Variants in ARID3A observed in about 807,000 individuals in gnomAD.
ARID3A encodes the protein AT-rich interaction domain 3A.
A neutral mutation model predicts 52.7 loss-of-function variants in ARID3A; 11 were observed. The ratio of observed to expected loss-of-function variants is 0.21; its 90% confidence interval spans 0.13 to 0.35. ARID3A has a LOEUF of 0.35. Among genes scored for constraint, ARID3A ranks in the 10% least tolerant of loss-of-function variants. The probability of loss-of-function intolerance (pLI) is 1.00; values close to 1 mark genes in which losing one functional copy is unlikely to be tolerated. For synonymous variants in ARID3A, 404 were observed against 359.4 expected (o/e 1.12, Z -1.40); for missense variants, 721 against 838.5 (o/e 0.86, Z 1.73).
intron 3 of ARID3A, among the ~76,000 whole-genome samples, chr19:953,620 T>C (rs2037851864): frequency 6.6e-6 from 1 of 151,488 alleles, no homozygotes; most frequent in Admixed American, 6.6e-5. Context: ...CAAAGAGGAA[T>C]GAAGGGGTCA....
At chr19:961,131 C>T (rs1213933952) in intron 4 of ARID3A, among the ~76,000 whole-genome samples, 4 of 152,294 alleles carry the variant, frequency 2.6e-5, no homozygotes, top group Admixed American at 1.3e-4. Context: ...ACTGTTCAGA[C>T]GGGGGAGGAG....
At chr19:932,387 T>TC (rs1237284964) in intron 2 of ARID3A, 31 bp from the exon 3 acceptor site, 2 of 1,584,620 alleles carry the variant, frequency 1.3e-6, no homozygotes, top group Non-Finnish European at 1.7e-6. Flanking sequence ...CAGCACCTTC[T>TC]CCCCTGACTC....
rs538107226 is a variant in ARID3A, at chr19:952,636, G to A, written c.694-7456G>A. ...CCTGAATTCTGTGGCCAAAGAGAGCGTCTGAAGGGCTGCAGCTGACCAGGT... is the reference window on the plus strand; with the variant it reads ...CCTGAATTCTGTGGCCAAAGAGAGCATCTGAAGGGCTGCAGCTGACCAGGT... On this transcript the variant is annotated intron_variant, in intron 3 of 8. Transcript: ENST00000263620. 2.0e-4 allele frequency among the ~76,000 whole-genome samples: 30 copies of A among 152,238 alleles called. No homozygotes were observed. The South Asian group carries it at 2.7e-3, about 14-fold the overall frequency.
intron 3 of ARID3A, among the ~76,000 whole-genome samples, chr19:937,587 C>T (rs1483754428): frequency 2.0e-5 from 3 of 152,014 alleles, no homozygotes; most frequent in African/African-American, 7.2e-5. Flanking sequence ...TCCATATTCA[C>T]CCATCAGAGG....
chr19:955,240 C>T (rs763239492), intron 3 of ARID3A, among the ~76,000 whole-genome samples: 22 of 152,192 alleles, frequency 1.4e-4, no homozygotes, highest in Non-Finnish European at 2.8e-4. Flanking sequence ...GGGCCTCGGC[C>T]AGCTGGCCAG....
Position 944,325 on chromosome 19 carries a change from G to GGGGTGTGTGTGTGT in ARID3A, c.693+11584_693+11585insGGTGTGTGTGTGTG, listed in dbSNP as rs1555727927. The stretch of plus-strand genomic sequence containing the variant: ...TCTGGCTGCAGGGGCGCGTCCAGGG[G>GGGGTGTGTGTGTGT]GTGTGTGTGTGTGTGTGTGTGTGTC... On this transcript the variant is annotated intron_variant, in intron 3 of 8. Coordinates refer to ENST00000263620, the MANE Select transcript of ARID3A (RefSeq NM_005224.3). This position sits in a 1 kb window ranked among gnomAD's most constrained non-coding sequence, Gnocchi z 5.9. 6.7e-6 allele frequency among the ~76,000 whole-genome samples: 1 copy of GGGGTGTGTGTGTGT among 149,748 alleles called. No homozygotes were observed. The highest frequency in any genetic ancestry group is 2.4e-5 in the African/African-American group (1 of 40,862).
In ARID3A at chr19:932,457, C is replaced by T. The variant is rs751373459; in HGVS notation, c.408C>T (p.Leu136=). 1.1e-5 allele frequency: 17 copies of T among 1,586,776 alleles called. No homozygotes were observed. Among genetic ancestry groups the T allele is most frequent in the Middle Eastern group, 2.0e-4 (1 of 4,974 alleles). ...AGGAGGAGGAGATGGAGGAAGACCT[C>T]GGGGAGGATGAGGAGGAGGAGGAGG... ...KWEEEEMEED[L]GEDEEEEEED... Residue 136 remains leucine, a synonymous_variant, in exon 3 of 9, where the codon CTC becomes CTT. Coordinates refer to ENST00000263620, the MANE Select transcript of ARID3A (RefSeq NM_005224.3).
chr19:929,436 G>GCCC lies in ARID3A; in HGVS notation c.-90_-88dup. 441 of 1,227,710 alleles carry GCCC rather than the reference G, an allele frequency of 3.6e-4. No homozygotes were observed. Among genetic ancestry groups the GCCC allele is most frequent in the Non-Finnish European group, 4.2e-4 (408 of 964,880 alleles). 76.1% of individuals were successfully genotyped at this position (1,227,710 alleles called of 1,614,324 possible). On this transcript the variant is annotated 5_prime_UTR_variant, in exon 2 of 9. Transcript: ENST00000263620. This position sits in a 1 kb window ranked among gnomAD's most constrained non-coding sequence, Gnocchi z 6.2. ...GGCCCCCACGCTGCAGTGCGGCCGGGCCCCCTCCCCGCAGGGGCCGCCCCC... is the reference window on the plus strand; with the variant it reads ...GGCCCCCACGCTGCAGTGCGGCCGGGCCCCCCCCTCCCCGCAGGGGCCGCCCCC...
Position 947,009 on chromosome 19 carries a change from G to T in ARID3A, c.694-13083G>T, listed in dbSNP as rs1396177208. 6.6e-6 allele frequency among the ~76,000 whole-genome samples: 1 copy of T among 151,612 alleles called. No homozygotes were observed. The highest frequency in any genetic ancestry group is 1.5e-5 in the Non-Finnish European group (1 of 67,896). ...AGGGTTTTGTCATATTGCCCAGGCG[G>T]GTCTCAAACTCCTGGGCTCGAGCAG... On this transcript the variant is annotated intron_variant, in intron 3 of 8. Transcript: ENST00000263620. The surrounding 1 kb of genome is among the most constrained non-coding windows in gnomAD (Gnocchi z 6.3).
At chr19:946,439 C>CT (rs58290960) in intron 3 of ARID3A, among the ~76,000 whole-genome samples, 9,201 of 60,314 alleles carry the variant, frequency 0.15, 1,379 homozygotes, top group East Asian at 0.22. Flanking sequence ...TTTTTTGAAT[C>CT]TTTTTTTTTT....
In ARID3A at chr19:960,543, C is replaced by G. The variant is rs181941387; in HGVS notation, c.766+379C>G. On this transcript the variant is annotated intron_variant, in intron 4 of 8. Coordinates refer to ENST00000263620, the MANE Select transcript of ARID3A (RefSeq NM_005224.3). The surrounding 1 kb of genome is among the most constrained non-coding windows in gnomAD (Gnocchi z 4.3). Reference sequence around the variant, plus strand: ...TGTGTTTAGGGAGTGGGGTCAGATTCGGGCTGGCCAGGTGGGTGCAGGTGC... The same window carrying G: ...TGTGTTTAGGGAGTGGGGTCAGATTGGGGCTGGCCAGGTGGGTGCAGGTGC... 6.6e-6 allele frequency among the ~76,000 whole-genome samples: 1 copy of G among 152,038 alleles called. No homozygotes were observed. Among genetic ancestry groups the G allele is most frequent in the African/African-American group, 2.4e-5 (1 of 41,386 alleles).
chr19:973,741 A>C lies in ARID3A; in HGVS notation c.*1676A>C. ...AGCTCCCCGAGTTCTGCGGTGACTA[A>C]ATCGAGGCCGAGAAGGGAGGCTGCC... On this transcript the variant is annotated 3_prime_UTR_variant, in exon 9 of 9. Coordinates refer to ENST00000263620, the MANE Select transcript of ARID3A (RefSeq NM_005224.3). 1 of 227,786 alleles carries C rather than the reference A, an allele frequency of 4.4e-6. No homozygotes were observed. The highest frequency in any genetic ancestry group is 6.3e-5 in the East Asian group (1 of 15,944). 14.1% of individuals were successfully genotyped at this position (227,786 alleles called of 1,614,324 possible). A position where few individuals can be genotyped will look rare whatever the true frequency, so the allele number is the denominator to read the frequency against.
intron 3 of ARID3A, among the ~76,000 whole-genome samples, chr19:952,624 G>A (rs866004738): frequency 8.5e-5 from 13 of 152,194 alleles, no homozygotes; most frequent in Middle Eastern, 3.4e-3. Context: ...GAATTCTGTG[G>A]CCAAAGAGAG....
rs1345303752 is a variant in ARID3A, at chr19:938,769, ACCG to A, written c.693+6029_693+6031del. On this transcript the variant is annotated intron_variant, in intron 3 of 8. Transcript: ENST00000263620. The surrounding 1 kb of genome is among the most constrained non-coding windows in gnomAD (Gnocchi z 4.0). ...CACCTCGCTGGGCCCAGCCCCAGAG[ACCG>A]CTGGGTCCTCACCACGGTGCCTGCC... 6.6e-6 allele frequency among the ~76,000 whole-genome samples: 1 copy of A among 151,684 alleles called. No individual in the cohort carries two copies. The highest frequency in any genetic ancestry group is 2.4e-5 in the African/African-American group (1 of 41,244).
At chr19:965,603 C>G (rs1418333064) in intron 6 of ARID3A, among the ~76,000 whole-genome samples, 1 of 151,564 alleles carries the variant, frequency 6.6e-6, no homozygotes, top group African/African-American at 2.4e-5. Context: ...CTGAGGTGGT[C>G]AGATGGGTTG....
chr19:949,248 C>T (rs948844010), intron 3 of ARID3A, among the ~76,000 whole-genome samples: 8 of 152,212 alleles, frequency 5.3e-5, no homozygotes, highest in East Asian at 1.9e-4. Flanking sequence ...CTCCCAGCGG[C>T]GGCGTGGGTG....
intron 3 of ARID3A, among the ~76,000 whole-genome samples, chr19:934,693 G>A (rs2037403254): frequency 1.3e-5 from 2 of 152,162 alleles, no homozygotes; most frequent in South Asian, 4.1e-4. Context: ...GCGGGAGACG[G>A]GATTGGAACT....
intron 3 of ARID3A, among the ~76,000 whole-genome samples, chr19:934,705 C>T (rs558067841): frequency 4.6e-4 from 70 of 152,098 alleles, no homozygotes; most frequent in Admixed American, 4.1e-3. Context: ...ATTGGAACTC[C>T]GAGAAGATGA....
At chr19:963,886 G>A (rs913015402) in intron 4 of ARID3A, among the ~76,000 whole-genome samples, 1 of 152,216 alleles carries the variant, frequency 6.6e-6, no homozygotes, top group African/African-American at 2.4e-5. Context: ...TGGGAACATA[G>A]GCAGAGTTGT....
Sources: allele counts gnomAD v4.1 joint callset (sites outside exome capture counted in the v4.1 genomes callset), GRCh38; gene constraint gnomAD v4.1.1; non-coding constraint Gnocchi (gnomAD v3.1); transcripts MANE v1.5; gene names NCBI Gene and HGNC (gene_info 2026-07-23, HGNC 2026-07-21).